FBXO25: variants seen among roughly 807,000 people sequenced by gnomAD.
FBXO25 encodes the protein F-box protein 25.
A neutral mutation model predicts 51.9 loss-of-function variants in FBXO25; 45 were observed. The ratio of observed to expected loss-of-function variants is 0.87; its 90% CI spans 0.68 to 1.11. The LOEUF (loss-of-function observed/expected upper bound fraction) is 1.11, where lower values mean the gene tolerates loss of function less well. Ranked by LOEUF, FBXO25 falls within the 50% of genes most tolerant of loss-of-function variation. The probability of loss-of-function intolerance (pLI) is 0.00; values close to 1 mark genes in which losing one functional copy is unlikely to be tolerated. For missense variants in FBXO25, 507 were observed against 428.5 expected (o/e 1.18, Z -1.62); for synonymous variants, 199 against 151.0 (o/e 1.32, Z -2.33).
In FBXO25 at chr8:475,735, T is replaced by G; in HGVS notation, c.*6931T>G. The G allele has an allele frequency of 6.6e-6, 1 of 152,206 alleles. No homozygotes were observed. The highest frequency in any genetic ancestry group is 1.9e-4 in the East Asian group (1 of 5,198). The allele number at this position is 152,206 out of a possible 1,614,324, so 9.4% of individuals were successfully genotyped here. A position where few individuals can be genotyped will look rare whatever the true frequency, so the allele number is the denominator to read the frequency against. On this transcript the variant is annotated 3_prime_UTR_variant, in exon 10 of 10. Coordinates refer to ENST00000350302, the MANE Select transcript of FBXO25 (RefSeq NM_183420.2). ...TGCTTGTTATTGTATAGAAATATCA[T>G]GGATTTGTTGTGTTGATTTTGTAAA...
chr8:448,157 A>G (rs1414467140), intron 5 of FBXO25, among the ~76,000 whole-genome samples: 1 of 152,222 alleles, frequency 6.6e-6, no homozygotes, highest in African/African-American at 2.4e-5. Flanking sequence ...GAATCTTCAA[A>G]CAGGAAAACA....
chr8:468,977 G>A lies in FBXO25; in HGVS notation c.*173G>A. ...ACTGCATGGTTGCATTTTCATCACT[G>A]AAAGTCAGAGGCCAAGGAAATCATT... is the stretch of plus-strand genomic sequence containing the variant. On this transcript the variant is annotated 3_prime_UTR_variant, in exon 10 of 10. Coordinates refer to ENST00000350302, the MANE Select transcript of FBXO25 (RefSeq NM_183420.2). 1.7e-6 allele frequency: 1 copy of A among 574,328 alleles called. No individual in the cohort carries two copies. The highest frequency in any genetic ancestry group is 3.1e-5 in the East Asian group (1 of 32,760). The allele number at this position is 574,328 out of a possible 1,614,324, so 35.6% of individuals were successfully genotyped here.
intron 7 of FBXO25, among the ~76,000 whole-genome samples, chr8:453,573 C>A (rs1489522947): frequency 3.9e-5 from 6 of 152,164 alleles, no homozygotes; most frequent in Non-Finnish European, 7.4e-5. Context: ...TCTAAGGCTG[C>A]TTAAGGTAAA....
In FBXO25 at chr8:469,600, C is replaced by A. The variant is rs1157543794; in HGVS notation, c.*796C>A. ...TAAACTTCATCAGTTTTGCATCCTACTGAGAAATGTTAGTGATTTTGATAC... is the reference window on the plus strand; with the variant it reads ...TAAACTTCATCAGTTTTGCATCCTAATGAGAAATGTTAGTGATTTTGATAC... On this transcript the variant is annotated 3_prime_UTR_variant, in exon 10 of 10. Transcript: ENST00000350302. 1 of 152,324 alleles carries A rather than the reference C, an allele frequency of 6.6e-6. No individual in the cohort carries two copies. Among genetic ancestry groups the A allele is most frequent in the African/African-American group, 2.4e-5 (1 of 41,564 alleles). 9.4% of individuals were successfully genotyped at this position (152,324 alleles called of 1,614,324 possible). A position where few individuals can be genotyped will look rare whatever the true frequency, so the allele number is the denominator to read the frequency against.
At chr8:432,839 T>G (rs1797894242) in intron 3 of FBXO25, 47 bp from the exon 4 acceptor site, 14 of 1,495,598 alleles carry the variant, frequency 9.4e-6, no homozygotes, top group Non-Finnish European at 1.2e-5. Flanking sequence ...ATCTTCATTT[T>G]GAAATGATTT....
chr8:431,492 A>G (rs1797818513), intron 3 of FBXO25, 48 bp downstream of exon 3: 1 of 945,606 alleles, frequency 1.1e-6, no homozygotes, highest in African/African-American at 1.7e-5. Context: ...TTACGTTGAA[A>G]TACTAAATTA....
intron 7 of FBXO25, among the ~76,000 whole-genome samples, chr8:457,541 T>C (rs1799526559): frequency 6.6e-6 from 1 of 151,950 alleles, no homozygotes; most frequent in African/African-American, 2.4e-5. Flanking sequence ...AGCTGGAAGG[T>C]GGGGGGATGT....
intron 2 of FBXO25, among the ~76,000 whole-genome samples, chr8:425,491 C>G (rs1206620850): frequency 2.0e-5 from 3 of 150,622 alleles, no homozygotes; most frequent in South Asian, 2.1e-4. Flanking sequence ...CTTCTTAGTT[C>G]TATTCTTTTT....
At position 472,237 on chromosome 8, in the gene FBXO25, C is replaced by T. The variant is rs1800507409; in HGVS notation, c.*3433C>T. ...CCCTCTATTAGGTTGGGGAGGTTCC[C>T]TTCTATTCCTAGTTTGTTTTTATCG... On this transcript the variant is annotated 3_prime_UTR_variant, in exon 10 of 10. Coordinates refer to ENST00000350302, the MANE Select transcript of FBXO25 (RefSeq NM_183420.2). 1 of 152,166 alleles carries T rather than the reference C, an allele frequency of 6.6e-6. No homozygotes were observed. The highest frequency in any genetic ancestry group is 6.5e-5 in the Admixed American group (1 of 15,280). 9.4% of individuals were successfully genotyped at this position (152,166 alleles called of 1,614,324 possible). A position where few individuals can be genotyped will look rare whatever the true frequency, so the allele number is the denominator to read the frequency against.
At chr8:421,196 G>GT (rs1797131716) in intron 2 of FBXO25, among the ~76,000 whole-genome samples, 1 of 152,268 alleles carries the variant, frequency 6.6e-6, no homozygotes, top group African/African-American at 2.4e-5. Flanking sequence ...AATGATCTAG[G>GT]TTGCTCACTC....
intron 1 of FBXO25, among the ~76,000 whole-genome samples, chr8:408,850 C>T (rs1196413620): frequency 6.6e-6 from 1 of 152,144 alleles, no homozygotes; most frequent in African/African-American, 2.4e-5. Context: ...ATAAAATGTG[C>T]TTAAAATTTG....
intron 5 of FBXO25, among the ~76,000 whole-genome samples, chr8:440,185 C>T (rs71514158): frequency 2.0e-5 from 3 of 152,190 alleles, no homozygotes; most frequent in Admixed American, 2.0e-4. Context: ...TCAGGGATCT[C>T]AAGCATATGA....
At chr8:427,765 A>G (rs1797582833) in intron 2 of FBXO25, among the ~76,000 whole-genome samples, 1 of 150,518 alleles carries the variant, frequency 6.6e-6, no homozygotes, top group Non-Finnish European at 1.5e-5. Context: ...ACTGGTAACA[A>G]AAGTTTTGTG....
chr8:423,717 G>A (rs1024681806), intron 2 of FBXO25, among the ~76,000 whole-genome samples: 1 of 152,160 alleles, frequency 6.6e-6, no homozygotes, highest in Admixed American at 6.5e-5. Flanking sequence ...GGTTGATTCT[G>A]TGTCTTTACT....
intron 5 of FBXO25, among the ~76,000 whole-genome samples, chr8:446,271 TCTGCC>T (rs1468468968): frequency 6.6e-6 from 1 of 152,112 alleles, no homozygotes; most frequent in East Asian, 1.9e-4. Context: ...CCAGACTCAC[TCTGCC>T]CTGACCCCTC....
intron 6 of FBXO25, chr8:450,776 C>A (rs1799031642): frequency 6.6e-6 from 1 of 152,238 alleles, no homozygotes; most frequent in African/African-American, 2.4e-5. Context: ...ATAAAATTTA[C>A]CATTTTAGCA....
At chr8:434,094 G>C (rs1318531520) in intron 4 of FBXO25, among the ~76,000 whole-genome samples, 2 of 152,194 alleles carry the variant, frequency 1.3e-5, no homozygotes, top group South Asian at 2.1e-4. Context: ...TCCCTGGAAT[G>C]CTAGGAACCA....
chr8:473,461 C>G lies in FBXO25; in HGVS notation c.*4657C>G, dbSNP rs1203807762. 1.3e-5 allele frequency: 2 copies of G among 152,316 alleles called. No homozygotes were observed. Among genetic ancestry groups the G allele is most frequent in the African/African-American group, 4.8e-5 (2 of 41,468 alleles). 9.4% of individuals were successfully genotyped at this position (152,316 alleles called of 1,614,324 possible). A position where few individuals can be genotyped will look rare whatever the true frequency, so the allele number is the denominator to read the frequency against. On this transcript the variant is annotated 3_prime_UTR_variant, in exon 10 of 10. Transcript: ENST00000350302. ...GATGAAGGAGTTGCTCCCCAGGGCA[C>G]CTGCCCCAATACAGGCCACGTGGAT...
intron 5 of FBXO25, among the ~76,000 whole-genome samples, chr8:441,841 T>C (rs1319703519): frequency 6.6e-6 from 1 of 152,142 alleles, no homozygotes; most frequent in Non-Finnish European, 1.5e-5. Context: ...ATGGCTATCA[T>C]TAAAAAGTCA....
Sources: gnomAD v4.1 joint callset for allele counts (sites outside exome capture counted in the v4.1 genomes callset) on GRCh38, gnomAD v4.1.1 for gene constraint, MANE v1.5 for transcripts, NCBI Gene and HGNC (gene_info 2026-07-23, HGNC 2026-07-21) for gene names.